SLMAP: variants seen among roughly 807,000 people sequenced by gnomAD.
SLMAP encodes the protein sarcolemma associated protein, also known as sarcolemmal membrane-associated protein.
In SLMAP, 44 loss-of-function variants were observed where a neutral mutation model predicts 128.8. That is an observed-to-expected ratio of 0.34 (90% confidence interval 0.27 to 0.44). The LOEUF (loss-of-function observed/expected upper bound fraction) is 0.44. Ranked by LOEUF, SLMAP falls within the 20% of genes least tolerant of loss-of-function variation. SLMAP has a pLI of 1.00. For synonymous variants in SLMAP, 327 were observed against 348.8 expected, an observed-to-expected ratio of 0.94 and a Z score of 0.70; for missense variants, 787 against 985.3, an observed-to-expected ratio of 0.80 and a Z score of 2.69.
chr3:57,781,265 G>A (rs1216154957), intron 2 of SLMAP, among the ~76,000 whole-genome samples: 1 of 151,742 alleles, frequency 6.6e-6, no homozygotes, highest in Non-Finnish European at 1.5e-5. Context: ...AATTCCAAAG[G>A]TTTCTTATTG....
intron 2 of SLMAP, among the ~76,000 whole-genome samples, chr3:57,828,173 G>T (rs529572642): frequency 1.3e-5 from 2 of 152,136 alleles, no homozygotes; most frequent in Admixed American, 6.5e-5. Context: ...TGGCCAGGGT[G>T]GTCTCAAACT....
chr3:57,912,752 TCTTAA>T (rs2096727136), intron 20 of SLMAP, 51 bp downstream of exon 20: 1 of 1,371,944 alleles, frequency 7.3e-7, no homozygotes, highest in African/African-American at 1.5e-5. Flanking sequence ...AATGATAACT[TCTTAA>T]CTTGTTTAAA....
intron 17 of SLMAP, chr3:57,897,310 G>T: frequency 3.5e-6 from 1 of 283,952 alleles, no homozygotes. Context: ...TATGGTAGCA[G>T]TTGTAAATTT....
chr3:57,883,730 A>T (rs2153637169), intron 14 of SLMAP, among the ~76,000 whole-genome samples: 1 of 152,194 alleles, frequency 6.6e-6, no homozygotes, highest in Middle Eastern at 3.4e-3. Flanking sequence ...GAGTAGTAAG[A>T]GATATGGGTT....
At chr3:57,879,942 T>G (rs1181466058) in intron 14 of SLMAP, among the ~76,000 whole-genome samples, 5 of 142,802 alleles carry the variant, frequency 3.5e-5, no homozygotes, top group Admixed American at 7.1e-5. Context: ...AGTGTGAGAC[T>G]CTGTCTCAAA....
chr3:57,911,094 C>T (rs756889099), intron 19 of SLMAP, among the ~76,000 whole-genome samples: 4 of 152,294 alleles, frequency 2.6e-5, no homozygotes, highest in Non-Finnish European at 5.9e-5. Flanking sequence ...TCTCTATTTT[C>T]ATCGTAGACT....
chr3:57,766,466 A>C (rs1025012389), intron 2 of SLMAP, among the ~76,000 whole-genome samples: 4 of 152,176 alleles, frequency 2.6e-5, no homozygotes, highest in African/African-American at 9.7e-5. Context: ...AGTTACTTGA[A>C]TCAAGAAAAA....
chr3:57,831,106 GT>G (rs2093310453), intron 2 of SLMAP, among the ~76,000 whole-genome samples: 1 of 152,080 alleles, frequency 6.6e-6, no homozygotes, highest in African/African-American at 2.4e-5. Context: ...TTGCTGAGTT[GT>G]ATACTAACTT....
intron 3 of SLMAP, 100 bp from the exon 4 acceptor site, chr3:57,841,199 T>G: frequency 1.6e-6 from 1 of 627,350 alleles, no homozygotes; most frequent in Non-Finnish European, 2.6e-6. Context: ...TTCTGAGAAA[T>G]TGTTACTTTT....
chr3:57,897,750 A>G (rs1369534125), intron 17 of SLMAP: 4 of 152,166 alleles, frequency 2.6e-5, no homozygotes, highest in African/African-American at 7.2e-5. Context: ...TAAGTAATGC[A>G]TGTAATTAAC....
chr3:57,919,708 C>T (rs952565616), intron 22 of SLMAP, among the ~76,000 whole-genome samples: 5 of 151,474 alleles, frequency 3.3e-5, no homozygotes, highest in Non-Finnish European at 5.9e-5. Flanking sequence ...GCAGGAGAAT[C>T]GCTTTGAACC....
chr3:57,852,000 T>C (rs2094522908), intron 6 of SLMAP, among the ~76,000 whole-genome samples: 1 of 152,018 alleles, frequency 6.6e-6, no homozygotes, highest in Non-Finnish European at 1.5e-5. Flanking sequence ...AACCTCCACT[T>C]CCCGGGTTCA....
At chr3:57,920,347 C>G (rs765697387) in intron 22 of SLMAP, among the ~76,000 whole-genome samples, 1 of 152,184 alleles carries the variant, frequency 6.6e-6, no homozygotes, top group Non-Finnish European at 1.5e-5. Context: ...CAGGGAGTTT[C>G]TTTCATATTT....
At chr3:57,860,383 C>A (rs1444918330) in intron 8 of SLMAP, among the ~76,000 whole-genome samples, 1 of 151,952 alleles carries the variant, frequency 6.6e-6, no homozygotes, top group African/African-American at 2.4e-5. Context: ...ATTATTTTTG[C>A]CTACAAATGT....
Position 57,827,796 on chromosome 3 carries a change from G to T in SLMAP, c.199-3587G>T, listed in dbSNP as rs78244857. On this transcript the variant is annotated intron_variant, in intron 2 of 24. Transcript: ENST00000671191. ...GGTCAAAACTCCTTTTAAGAGGAGG[G>T]AATAAAAGCCTGATAGAAGAAGGTT... is the stretch of plus-strand genomic sequence containing the variant. Among the ~76,000 whole-genome samples, 35 of 152,262 alleles carry T rather than the reference G, an allele frequency of 2.3e-4. No individual in the cohort carries two copies. In the East Asian group the frequency reaches 6.6e-3, roughly 28 times the overall value.
intron 2 of SLMAP, chr3:57,800,514 A>G (rs918886465): frequency 3.3e-5 from 5 of 152,394 alleles, no homozygotes; most frequent in African/African-American, 1.2e-4. Flanking sequence ...TATCTTTGAG[A>G]AGCATAATAG....
At chr3:57,896,975 A>C (rs769517836) in intron 17 of SLMAP, 43 bp downstream of exon 17, 18 of 1,611,264 alleles carry the variant, frequency 1.1e-5, no homozygotes, top group Non-Finnish European at 1.4e-5. Context: ...CAGGGTATCA[A>C]ATCACCCTTT....
intron 3 of SLMAP, among the ~76,000 whole-genome samples, chr3:57,836,476 C>T (rs879602851): frequency 1.3e-5 from 2 of 152,084 alleles, no homozygotes; most frequent in Non-Finnish European, 2.9e-5. Flanking sequence ...CATTTCTGTT[C>T]TTAGCAATCC....
intron 3 of SLMAP, among the ~76,000 whole-genome samples, chr3:57,839,628 G>A (rs2093824958): frequency 6.6e-6 from 1 of 151,396 alleles, no homozygotes; most frequent in African/African-American, 2.4e-5. Context: ...TTCTGGGATG[G>A]AGTCTCACTC....
Sources: gnomAD v4.1 joint callset for allele counts (sites outside exome capture counted in the v4.1 genomes callset) on GRCh38, gnomAD v4.1.1 for gene constraint, MANE v1.5 for transcripts, NCBI Gene and HGNC (gene_info 2026-07-23, HGNC 2026-07-21) for gene names.